KCNIP1: variants seen among roughly 807,000 people sequenced by gnomAD.
KCNIP1 encodes A-type potassium channel modulatory protein KCNIP1.
In KCNIP1, 18 loss-of-function variants were observed where a neutral mutation model predicts 33.0. That is an observed-to-expected ratio of 0.55 (90% CI 0.38 to 0.81). KCNIP1 has a LOEUF of 0.81. Ranked by LOEUF, KCNIP1 falls within the 30% of genes least tolerant of loss-of-function variation. The pLI is 0.00. For synonymous variants in KCNIP1, 93 were observed against 98.3 expected, an observed-to-expected ratio of 0.95 and a Z score of 0.32; for missense variants, 238 against 271.6, an observed-to-expected ratio of 0.88 and a Z score of 0.87.
At chr5:170,582,260 C>T (rs1008987448) in intron 1 of KCNIP1, among the ~76,000 whole-genome samples, 13 of 152,194 alleles carry the variant, frequency 8.5e-5, no homozygotes, top group African/African-American at 2.9e-4. Context: ...GTTTGAATGA[C>T]AGTTTAAGGT....
In KCNIP1 at chr5:170,599,414, C is replaced by T. The variant is rs1581381554; in HGVS notation, c.61+94781C>T. Among the ~76,000 whole-genome samples, 3 of 152,096 alleles carry T rather than the reference C, an allele frequency of 2.0e-5. No individual in the cohort carries two copies. In the East Asian group the frequency reaches 5.8e-4, roughly 29 times the overall value. On this transcript the variant is annotated intron_variant, in intron 1 of 7. Coordinates refer to ENST00000328939, the MANE Select transcript of KCNIP1 (RefSeq NM_014592.4). ...ATGATGGCATCTGATTTAGTTTTCCCACATCTCAAATGAGATCAGGGCAAC... is the reference window on the plus strand; with the variant it reads ...ATGATGGCATCTGATTTAGTTTTCCTACATCTCAAATGAGATCAGGGCAAC...
intron 1 of KCNIP1, among the ~76,000 whole-genome samples, chr5:170,599,192 G>A (rs908268832): frequency 1.3e-5 from 2 of 152,040 alleles, no homozygotes; most frequent in African/African-American, 4.8e-5. Context: ...CACAGGTGAC[G>A]ATGGAATCAG....
chr5:170,633,281 A>G (rs991835581), intron 1 of KCNIP1, among the ~76,000 whole-genome samples: 3 of 152,096 alleles, frequency 2.0e-5, no homozygotes, highest in Non-Finnish European at 2.9e-5. Context: ...CGCGAGAGCG[A>G]GAGCGGACAT....
At chr5:170,691,174 C>A (rs1219009249) in intron 1 of KCNIP1, among the ~76,000 whole-genome samples, 7 of 152,190 alleles carry the variant, frequency 4.6e-5, no homozygotes, top group Non-Finnish European at 7.3e-5. Flanking sequence ...ATGGGTTATG[C>A]ACTGGCCCCA....
intron 5 of KCNIP1, 113 bp from the exon 6 acceptor site, chr5:170,732,687 C>CA (rs1764246077): frequency 2.9e-6 from 2 of 681,560 alleles, no homozygotes; most frequent in Non-Finnish European, 5.3e-6. Context: ...AGAAGGACCT[C>CA]ACCTTTTAAT....
At chr5:170,450,986 T>A (rs1581204500) in intron 1 of KCNIP1, among the ~76,000 whole-genome samples, 2 of 151,276 alleles carry the variant, frequency 1.3e-5, no homozygotes, top group African/African-American at 2.4e-5. Flanking sequence ...ACCGAGAGCA[T>A]GGATATGAAG....
intron 1 of KCNIP1, among the ~76,000 whole-genome samples, chr5:170,617,202 C>G (rs902895698): frequency 1.3e-5 from 2 of 152,104 alleles, no homozygotes; most frequent in Non-Finnish European, 2.9e-5. Flanking sequence ...TACAAGATAA[C>G]AGGCCTTCCC....
chr5:170,701,038 T>A (rs569353588), intron 1 of KCNIP1, among the ~76,000 whole-genome samples: 2 of 152,296 alleles, frequency 1.3e-5, no homozygotes, highest in East Asian at 3.9e-4. Context: ...CCACTCAAAA[T>A]GTCATGTTTT....
chr5:170,358,893 C>T (rs549882070), intron 1 of KCNIP1, among the ~76,000 whole-genome samples: 1 of 152,298 alleles, frequency 6.6e-6, no homozygotes, highest in African/African-American at 2.4e-5. Context: ...TTCCTCTGCA[C>T]TCCTAGGGCT....
intron 1 of KCNIP1, among the ~76,000 whole-genome samples, chr5:170,485,614 C>T (rs557083711): frequency 2.8e-4 from 42 of 152,302 alleles, no homozygotes; most frequent in Non-Finnish European, 4.6e-4. Flanking sequence ...GCCCACCCTC[C>T]GCCTCTCAGG....
In KCNIP1 at chr5:170,572,005, C is replaced by T. The variant is rs940139891; in HGVS notation, c.61+67372C>T. ...CTACTATAAGACAAATAGCACCCTA[C>T]GCACAGTAATGACAGCCCAAGTAGT... On this transcript the variant is annotated intron_variant, in intron 1 of 7. Coordinates refer to ENST00000328939, the MANE Select transcript of KCNIP1 (RefSeq NM_014592.4). Among the ~76,000 whole-genome samples the T allele has an allele frequency of 2.6e-5, 4 of 152,140 alleles. No homozygotes were observed. The South Asian group carries it at 6.2e-4, about 24-fold the overall frequency.
chr5:170,470,977 G>C (rs1057128209), intron 1 of KCNIP1, among the ~76,000 whole-genome samples: 1 of 152,198 alleles, frequency 6.6e-6, no homozygotes, highest in Non-Finnish European at 1.5e-5. Flanking sequence ...ACACAACTCA[G>C]GGACGTAGGT....
At chr5:170,648,959 G>A (rs1391596539) in intron 1 of KCNIP1, among the ~76,000 whole-genome samples, 5 of 152,174 alleles carry the variant, frequency 3.3e-5, no homozygotes, top group African/African-American at 1.2e-4. Flanking sequence ...AACACAGTGA[G>A]CTGCAACTTC....
chr5:170,675,969 G>A (rs897576328), intron 1 of KCNIP1, among the ~76,000 whole-genome samples: 1 of 103,774 alleles, frequency 9.6e-6, no homozygotes, highest in Non-Finnish European at 1.8e-5. Flanking sequence ...TAATAGGTAA[G>A]ACTTTTTAAT....
intron 1 of KCNIP1, among the ~76,000 whole-genome samples, chr5:170,652,469 A>G (rs1469729851): frequency 4.5e-5 from 6 of 134,050 alleles, no homozygotes; most frequent in Admixed American, 3.8e-4. Context: ...TGGGCAACAG[A>G]TTGAGACCCT....
intron 1 of KCNIP1, among the ~76,000 whole-genome samples, chr5:170,597,809 ATATATATAT>A (rs1471578422): frequency 0.15 from 704 of 4,562 alleles, 24 homozygotes; most frequent in African/African-American, 0.2. Flanking sequence ...ATATATATAT[ATATATATAT>A]ATATATATAT....
chr5:170,418,757 G>T (rs1023101674), intron 1 of KCNIP1, among the ~76,000 whole-genome samples: 3 of 152,116 alleles, frequency 2.0e-5, no homozygotes, highest in African/African-American at 7.2e-5. Flanking sequence ...CCTAGCCTTT[G>T]TTCACACTGG....
chr5:170,570,763 A>G (rs1757379622), intron 1 of KCNIP1, among the ~76,000 whole-genome samples: 1 of 152,254 alleles, frequency 6.6e-6, no homozygotes, highest in African/African-American at 2.4e-5. Flanking sequence ...GACACCGAAC[A>G]GGAGATGCCT....
At chr5:170,670,262 T>C (rs1211088260) in intron 1 of KCNIP1, among the ~76,000 whole-genome samples, 1 of 152,170 alleles carries the variant, frequency 6.6e-6, no homozygotes, top group African/African-American at 2.4e-5. Flanking sequence ...GATGGACAGA[T>C]GGACGGAGAG....
Sources: allele counts gnomAD v4.1 joint callset (sites outside exome capture counted in the v4.1 genomes callset), GRCh38; gene constraint gnomAD v4.1.1; transcripts MANE v1.5; gene names NCBI Gene and HGNC (gene_info 2026-07-23, HGNC 2026-07-21).